Variants in CFAP299 observed in about 807,000 individuals in gnomAD.
CFAP299 encodes the protein cilia- and flagella-associated protein 299.
Under a neutral mutation model 27.0 loss-of-function variants are expected in CFAP299, and 21 were observed. The observed-to-expected ratio is 0.78, with a 90% CI of 0.55 to 1.12. The LOEUF is 1.12. Ranked by LOEUF, CFAP299 falls within the 50% of genes most tolerant of loss-of-function variation. CFAP299 has a pLI of 0.00. For synonymous variants in CFAP299, 104 were observed against 98.1 expected (o/e 1.06, Z -0.36); for missense variants, 310 against 276.6 (o/e 1.12, Z -0.86).
At chr4:80,533,851 T>C (rs952686691) in intron 2 of CFAP299, among the ~76,000 whole-genome samples, 1 of 151,774 alleles carries the variant, frequency 6.6e-6, no homozygotes, top group Non-Finnish European at 1.5e-5. Flanking sequence ...TCCTTTAAAG[T>C]AGTGTTGTAA....
At chr4:80,530,703 A>T (rs1430756796) in intron 2 of CFAP299, among the ~76,000 whole-genome samples, 1 of 152,230 alleles carries the variant, frequency 6.6e-6, no homozygotes, top group Admixed American at 6.5e-5. Flanking sequence ...GTATGCTGTC[A>T]TTATTTCATA....
At chr4:80,902,642 G>A (rs563329694) in intron 4 of CFAP299, among the ~76,000 whole-genome samples, 1 of 141,118 alleles carries the variant, frequency 7.1e-6, no homozygotes, top group Admixed American at 7.3e-5. Context: ...TGACTCCCTA[G>A]TTGGGGCTAT....
intron 3 of CFAP299, among the ~76,000 whole-genome samples, chr4:80,631,112 C>G (rs1174306023): frequency 6.6e-6 from 1 of 151,874 alleles, no homozygotes; most frequent in Non-Finnish European, 1.5e-5. Flanking sequence ...ATTGGCCCAG[C>G]CTTTAGTATA....
At chr4:80,732,322 C>A (rs1723583572) in intron 3 of CFAP299, among the ~76,000 whole-genome samples, 1 of 152,022 alleles carries the variant, frequency 6.6e-6, no homozygotes. Flanking sequence ...TTTCCAGATG[C>A]ATAGCATGAC....
intron 1 of CFAP299, among the ~76,000 whole-genome samples, chr4:80,346,529 G>A (rs1722736595): frequency 1.3e-5 from 2 of 152,156 alleles, no homozygotes; most frequent in African/African-American, 2.4e-5. Flanking sequence ...TATTAAATAG[G>A]GAATCCTTTC....
intron 3 of CFAP299, among the ~76,000 whole-genome samples, chr4:80,868,527 G>T (rs1578199947): frequency 1.3e-5 from 2 of 152,268 alleles, no homozygotes; most frequent in East Asian, 3.9e-4. Flanking sequence ...CTCTGAAAGG[G>T]TAGAATTTGT....
rs1337379370 is a variant in CFAP299, at chr4:80,800,200, T to C, written c.334-69793T>C. ...TATAATAATATGTAATACTATATAA[T>C]ATAATATATAATATATATTATAATA... is the stretch of plus-strand genomic sequence containing the variant. On this transcript the variant is annotated intron_variant, in intron 3 of 5. Transcript: ENST00000358105. Among the ~76,000 whole-genome samples, 59 of 72,900 alleles carry C rather than the reference T, an allele frequency of 8.1e-4. 2 individuals carry two copies. The highest frequency in any genetic ancestry group is 3.2e-3 in the African/African-American group (57 of 17,694). 47.8% of individuals were successfully genotyped at this position (72,900 alleles called of 152,430 possible).
chr4:80,576,881 A>G (rs1735892110), intron 2 of CFAP299, among the ~76,000 whole-genome samples: 1 of 152,162 alleles, frequency 6.6e-6, no homozygotes, highest in Non-Finnish European at 1.5e-5. Flanking sequence ...AATTAAATCT[A>G]CCTTTGAACA....
intron 2 of CFAP299, among the ~76,000 whole-genome samples, chr4:80,514,388 C>G (rs2110167273): frequency 6.6e-6 from 1 of 152,042 alleles, no homozygotes; most frequent in East Asian, 1.9e-4. Context: ...TTACAGTAAA[C>G]TTTAAATGTC....
chr4:80,699,037 T>C (rs1721297310), intron 3 of CFAP299, among the ~76,000 whole-genome samples: 1 of 152,208 alleles, frequency 6.6e-6, no homozygotes, highest in Non-Finnish European at 1.5e-5. Context: ...AAGTGTTTAA[T>C]ATTTCTGGCA....
At chr4:80,845,652 C>T (rs1218006259) in intron 3 of CFAP299, among the ~76,000 whole-genome samples, 5 of 152,118 alleles carry the variant, frequency 3.3e-5, no homozygotes, top group African/African-American at 1.2e-4. Context: ...TCAAGTAAAA[C>T]AATTTCTTCT....
intron 2 of CFAP299, among the ~76,000 whole-genome samples, chr4:80,572,507 G>GT (rs550414533): frequency 0.012 from 430 of 36,362 alleles, 81 homozygotes; most frequent in African/African-American, 0.031. Context: ...CTGGATCCCA[G>GT]TTTTTTTTTT....
At chr4:80,377,152 G>A (rs1724456671) in intron 2 of CFAP299, among the ~76,000 whole-genome samples, 1 of 152,000 alleles carries the variant, frequency 6.6e-6, no homozygotes, top group Admixed American at 6.6e-5. Flanking sequence ...TAAGGTTCAT[G>A]TGTGTGTGTA....
At chr4:80,712,894 C>T (rs993614223) in intron 3 of CFAP299, among the ~76,000 whole-genome samples, 2 of 152,114 alleles carry the variant, frequency 1.3e-5, no homozygotes, top group African/African-American at 4.8e-5. Flanking sequence ...TTCTTTGTGT[C>T]TCCATTTCCT....
chr4:80,934,296 T>C (rs1736774921), intron 4 of CFAP299, among the ~76,000 whole-genome samples: 1 of 152,156 alleles, frequency 6.6e-6, no homozygotes, highest in Non-Finnish European at 1.5e-5. Flanking sequence ...TCTTTAGATA[T>C]ACCATTCAAT....
At chr4:80,513,548 T>C (rs1732422594) in intron 2 of CFAP299, among the ~76,000 whole-genome samples, 1 of 152,150 alleles carries the variant, frequency 6.6e-6, no homozygotes, top group African/African-American at 2.4e-5. Context: ...TACTATTCAG[T>C]AGAGAAATGA....
chr4:80,547,327 G>C (rs758345209), intron 2 of CFAP299, among the ~76,000 whole-genome samples: 1 of 152,124 alleles, frequency 6.6e-6, no homozygotes, highest in Non-Finnish European at 1.5e-5. Context: ...GTAGCCATAT[G>C]CAGAAGATTG....
At chr4:80,449,695 T>C (rs1250408726) in intron 2 of CFAP299, among the ~76,000 whole-genome samples, 2 of 151,856 alleles carry the variant, frequency 1.3e-5, no homozygotes, top group Admixed American at 6.5e-5. Context: ...TTACTATCCA[T>C]ATAATTAATT....
chr4:80,710,823 G>T (rs1212918884), intron 3 of CFAP299, among the ~76,000 whole-genome samples: 1 of 152,032 alleles, frequency 6.6e-6, no homozygotes, highest in East Asian at 1.9e-4. Flanking sequence ...CACTAATACT[G>T]GCTGATTATT....
Sources: allele counts gnomAD v4.1 joint callset (sites outside exome capture counted in the v4.1 genomes callset), GRCh38; gene constraint gnomAD v4.1.1; transcripts MANE v1.5; gene names NCBI Gene and HGNC (gene_info 2026-07-23, HGNC 2026-07-21).